ZFAND3: variants seen among roughly 807,000 people sequenced by gnomAD.
ZFAND3 encodes the protein AN1-type zinc finger protein 3.
In ZFAND3, 10 loss-of-function variants were observed where a neutral mutation model predicts 29.6. The ratio of observed to expected loss-of-function variants is 0.34; its 90% CI spans 0.21 to 0.57. The LOEUF (loss-of-function observed/expected upper bound fraction) is 0.57, where lower values mean the gene tolerates loss of function less well. ZFAND3 is among the 20% of genes least tolerant of loss of function. The pLI is 0.86. For missense variants in ZFAND3, 230 were observed against 304.5 expected, an observed-to-expected ratio of 0.76 and a Z score of 1.82; for synonymous variants, 128 against 112.6, an observed-to-expected ratio of 1.14 and a Z score of -0.87.
At chr6:38,084,008 A>G (rs1212990597) in intron 4 of ZFAND3, among the ~76,000 whole-genome samples, 2 of 152,154 alleles carry the variant, frequency 1.3e-5, no homozygotes, top group Non-Finnish European at 2.9e-5. Flanking sequence ...TCTTTTACAG[A>G]TGAAAAAAAT....
At chr6:38,128,887 GTTTTAC>G (rs368356564) in intron 5 of ZFAND3, among the ~76,000 whole-genome samples, 1 of 152,150 alleles carries the variant, frequency 6.6e-6, no homozygotes, top group African/African-American at 2.4e-5. Context: ...ATCAATGGTA[GTTTTAC>G]TTTTAGTTTT....
chr6:38,043,077 A>C (rs1353939784), intron 2 of ZFAND3, among the ~76,000 whole-genome samples: 1 of 152,210 alleles, frequency 6.6e-6, no homozygotes, highest in Non-Finnish European at 1.5e-5. Context: ...TAATATACAC[A>C]TAAGTGTGCA....
chr6:38,006,197 T>C (rs1763045839), intron 2 of ZFAND3, among the ~76,000 whole-genome samples: 1 of 152,192 alleles, frequency 6.6e-6, no homozygotes, highest in Non-Finnish European at 1.5e-5. Flanking sequence ...ATAGTCTTTT[T>C]TGTGGGGAAG....
chr6:37,899,175 C>T (rs1168906336), intron 1 of ZFAND3, among the ~76,000 whole-genome samples: 2 of 152,194 alleles, frequency 1.3e-5, no homozygotes, highest in African/African-American at 4.8e-5. Context: ...CTGGGATTTA[C>T]AGGCATGAGC....
chr6:37,878,675 TAGG>T (rs887947643), intron 1 of ZFAND3, among the ~76,000 whole-genome samples: 4 of 152,202 alleles, frequency 2.6e-5, no homozygotes, highest in Non-Finnish European at 4.4e-5. Context: ...TTCTTGAAAC[TAGG>T]AGAAGTGAAA....
intron 2 of ZFAND3, among the ~76,000 whole-genome samples, chr6:37,941,454 A>T (rs959340226): frequency 3.9e-5 from 6 of 152,190 alleles, no homozygotes; most frequent in African/African-American, 1.4e-4. Flanking sequence ...TAGCTAATTT[A>T]GGAAAAGGTG....
intron 1 of ZFAND3, among the ~76,000 whole-genome samples, chr6:37,891,156 C>T (rs571273919): frequency 6.6e-6 from 1 of 152,184 alleles, no homozygotes; most frequent in Non-Finnish European, 1.5e-5. Context: ...TAAATGGAAT[C>T]ATACAATACG....
At chr6:37,871,527 G>A (rs78448512) in intron 1 of ZFAND3, among the ~76,000 whole-genome samples, 9,711 of 152,190 alleles carry the variant, frequency 0.064, 430 homozygotes, top group Non-Finnish European at 0.093. Flanking sequence ...AGATATTGGT[G>A]GATTGATTGG....
chr6:38,117,401 A>G (rs1765442369), intron 5 of ZFAND3, among the ~76,000 whole-genome samples: 1 of 151,860 alleles, frequency 6.6e-6, no homozygotes, highest in Non-Finnish European at 1.5e-5. Context: ...CTGTAGTGTA[A>G]TACCTTTTAG....
At chr6:37,835,349 G>C (rs1356378796) in intron 1 of ZFAND3, among the ~76,000 whole-genome samples, 1 of 151,900 alleles carries the variant, frequency 6.6e-6, no homozygotes, top group African/African-American at 2.4e-5. Context: ...TAGAGACAGG[G>C]TTTCACCATG....
In ZFAND3 at chr6:37,886,929, G is replaced by C. The variant is rs545910302; in HGVS notation, c.72-43030G>C. Among the ~76,000 whole-genome samples the C allele has an allele frequency of 3.9e-5, 6 of 152,304 alleles. No individual in the cohort carries two copies. In the East Asian group the frequency reaches 1.2e-3, roughly 29 times the overall value. On this transcript the variant is annotated intron_variant, in intron 1 of 5. Transcript: ENST00000287218. The stretch of plus-strand genomic sequence containing the variant: ...TTAGGCACATGAATTGCTTGACCTT[G>C]GGAGGCAGAGGCTGCAGTGAGCTGA...
At chr6:38,007,000 T>C (rs755728123) in intron 2 of ZFAND3, among the ~76,000 whole-genome samples, 4 of 152,150 alleles carry the variant, frequency 2.6e-5, no homozygotes, top group Non-Finnish European at 5.9e-5. Context: ...GGAGAAGTTA[T>C]TTGAATTTGT....
intron 1 of ZFAND3, 43 bp downstream of exon 1, chr6:37,820,059 GC>G: frequency 8.6e-7 from 1 of 1,160,120 alleles, no homozygotes; most frequent in Non-Finnish European, 1.1e-6. Flanking sequence ...GGGGCCGGGG[GC>G]GCAGACGCCA....
intron 1 of ZFAND3, among the ~76,000 whole-genome samples, chr6:37,882,526 A>G (rs1262341484): frequency 6.6e-6 from 1 of 152,178 alleles, no homozygotes; most frequent in African/African-American, 2.4e-5. Flanking sequence ...CACTGCTGCT[A>G]TACTTCCCCC....
At chr6:37,887,474 A>G (rs975086576) in intron 1 of ZFAND3, among the ~76,000 whole-genome samples, 1 of 152,218 alleles carries the variant, frequency 6.6e-6, no homozygotes. Context: ...GGAAAGTCAT[A>G]ATCAAATCAG....
chr6:37,831,328 A>G (rs1462306894), intron 1 of ZFAND3, among the ~76,000 whole-genome samples: 2 of 152,236 alleles, frequency 1.3e-5, no homozygotes, highest in Admixed American at 1.3e-4. Flanking sequence ...AGTGATCTCC[A>G]GACTGATGCC....
intron 5 of ZFAND3, among the ~76,000 whole-genome samples, chr6:38,150,254 C>T (rs1339319873): frequency 2.0e-5 from 3 of 152,170 alleles, no homozygotes; most frequent in Non-Finnish European, 4.4e-5. Flanking sequence ...CTCGGCTTCT[C>T]GGGAGACAGA....
chr6:38,060,217 G>A (rs1487989257), intron 2 of ZFAND3, among the ~76,000 whole-genome samples: 8 of 152,122 alleles, frequency 5.3e-5, no homozygotes, highest in African/African-American at 1.7e-4. Context: ...AGTCCCCTGT[G>A]TATACTAAGG....
intron 2 of ZFAND3, among the ~76,000 whole-genome samples, chr6:37,945,469 C>T (rs571211173): frequency 5.9e-5 from 9 of 152,264 alleles, no homozygotes; most frequent in African/African-American, 2.2e-4. Context: ...AGTCTTGGCT[C>T]ACTGCAACCT....
Sources: gnomAD v4.1 joint callset for allele counts (sites outside exome capture counted in the v4.1 genomes callset) on GRCh38, gnomAD v4.1.1 for gene constraint, MANE v1.5 for transcripts, NCBI Gene and HGNC (gene_info 2026-07-23, HGNC 2026-07-21) for gene names.